The following MIGA1 variants were observed in gnomAD, a reference collection of about 807,000 sequenced individuals.
The protein encoded by MIGA1 is mitoguardin 1.
Under a neutral mutation model 82.0 loss-of-function variants are expected in MIGA1, and 58 were observed. That is an observed-to-expected ratio of 0.71 (90% CI 0.57 to 0.88). The LOEUF (loss-of-function observed/expected upper bound fraction) is 0.88. Among genes scored for constraint, MIGA1 ranks in the 40% least tolerant of loss-of-function variants. The pLI is 0.00. For missense variants in MIGA1, 751 were observed against 749.1 expected, an observed-to-expected ratio of 1.00 and a Z score of -0.03; for synonymous variants, 249 against 253.6, an observed-to-expected ratio of 0.98 and a Z score of 0.17.
intron 8 of MIGA1, among the ~76,000 whole-genome samples, chr1:77,851,709 TAGG>T (rs934091930): frequency 5.5e-4 from 84 of 152,306 alleles, no homozygotes; most frequent in African/African-American, 1.9e-3. Context: ...AGTCTTATTT[TAGG>T]AGGCTTCTTT....
intron 14 of MIGA1, among the ~76,000 whole-genome samples, chr1:77,867,539 G>C (rs1685718477): frequency 1.3e-5 from 2 of 152,104 alleles, no homozygotes; most frequent in Admixed American, 1.3e-4. Flanking sequence ...TGTTGCCCAG[G>C]CTGGCCTCAA....
intron 7 of MIGA1, among the ~76,000 whole-genome samples, chr1:77,840,010 G>A (rs1009415542): frequency 6.6e-6 from 1 of 152,204 alleles, no homozygotes; most frequent in Non-Finnish European, 1.5e-5. Flanking sequence ...TGGAATTACA[G>A]GCGTGAACCA....
rs1291533288 is a variant in MIGA1 at position 77,815,647 on chromosome 1, TAGTC to T, written c.895+420_895+423del. Among the ~76,000 whole-genome samples the T allele has an allele frequency of 3.3e-5, 5 of 152,236 alleles. No individual in the cohort carries two copies. The South Asian group carries it at 6.2e-4, about 19-fold the overall frequency. The stretch of plus-strand genomic sequence containing the variant: ...ATCGCAGGATAGCTGTTGATGTAAA[TAGTC>T]AGTACATACATCGTTATGGGTCATT... On this transcript the variant is annotated intron_variant, in intron 7 of 15. Coordinates refer to ENST00000370791, the MANE Select transcript of MIGA1 (RefSeq NM_198549.4).
intron 7 of MIGA1, among the ~76,000 whole-genome samples, chr1:77,836,696 C>G (rs1417969226): frequency 1.3e-5 from 2 of 152,160 alleles, no homozygotes; most frequent in East Asian, 3.8e-4. Context: ...GGATCAGGAT[C>G]CAGGTGCTGG....
At chr1:77,784,840 T>C (rs574816661) in intron 2 of MIGA1, among the ~76,000 whole-genome samples, 2 of 152,126 alleles carry the variant, frequency 1.3e-5, no homozygotes, top group Non-Finnish European at 2.9e-5. Flanking sequence ...TCACATCTCA[T>C]ATGGCGGCAG....
chr1:77,791,559 GTT>G (rs71075763), intron 2 of MIGA1, among the ~76,000 whole-genome samples: 49,124 of 124,720 alleles, frequency 0.39, 10,157 homozygotes, highest in African/African-American at 0.58. Flanking sequence ...AGATATTTAA[GTT>G]TTTTTTTTTT....
chr1:77,817,172 C>A (rs749659153), intron 7 of MIGA1, among the ~76,000 whole-genome samples: 3 of 151,912 alleles, frequency 2.0e-5, no homozygotes, highest in Non-Finnish European at 4.4e-5. Flanking sequence ...TGACTGGGTC[C>A]GTCTCTTATT....
At chr1:77,844,066 A>G (rs1684724657) in intron 8 of MIGA1, among the ~76,000 whole-genome samples, 1 of 146,600 alleles carries the variant, frequency 6.8e-6, no homozygotes, top group Non-Finnish European at 1.5e-5. Context: ...GTGGCACTGC[A>G]TTCCAGCCTG....
intron 7 of MIGA1, among the ~76,000 whole-genome samples, chr1:77,837,415 T>C (rs1684473795): frequency 6.6e-6 from 1 of 152,174 alleles, no homozygotes; most frequent in Non-Finnish European, 1.5e-5. Context: ...TGGTATCAGA[T>C]GACCTGAGTT....
intron 14 of MIGA1, among the ~76,000 whole-genome samples, chr1:77,871,095 G>GGGAGAC (rs1685968270): frequency 7.0e-5 from 1 of 14,254 alleles, no homozygotes; most frequent in African/African-American, 2.3e-4. Context: ...CGTGGGAAGG[G>GGGAGAC]GGAGAGGGAG....
chr1:77,799,263 T>C (rs1682779291), intron 2 of MIGA1, among the ~76,000 whole-genome samples: 1 of 152,194 alleles, frequency 6.6e-6, no homozygotes, highest in Non-Finnish European at 1.5e-5. Flanking sequence ...TTTGACATAA[T>C]GTACGGTATT....
rs1646907298 is a variant in MIGA1, at chr1:77,878,053, T to A, written c.*2989T>A. On this transcript the variant is annotated 3_prime_UTR_variant, in exon 16 of 16. Transcript: ENST00000370791. ...AAACTTGAACTTTTTAAAGGAAATG[T>A]CCTCTTGAAAAGAACATTTCTGACT... 1 of 152,158 alleles carries A rather than the reference T, an allele frequency of 6.6e-6. No homozygotes were observed. Among genetic ancestry groups the A allele is most frequent in the South Asian group, 2.1e-4 (1 of 4,826 alleles). The allele number at this position is 152,158 out of a possible 1,614,324, so 9.4% of individuals were successfully genotyped here.
chr1:77,785,097 C>T (rs1157375474), intron 2 of MIGA1, among the ~76,000 whole-genome samples: 1 of 152,124 alleles, frequency 6.6e-6, no homozygotes, highest in Non-Finnish European at 1.5e-5. Context: ...CATGCCTTCC[C>T]AACAGTCCCT....
intron 14 of MIGA1, among the ~76,000 whole-genome samples, chr1:77,871,122 A>AGGGG (rs1685973193): frequency 4.3e-5 from 1 of 23,372 alleles, no homozygotes; most frequent in Non-Finnish European, 8.2e-5. Flanking sequence ...AGGGAGAGGG[A>AGGGG]GAGGAGGGAG....
At position 77,848,443 on chromosome 1, in the gene MIGA1, A is replaced by G. The variant is rs1215101261; in HGVS notation, c.996+5036A>G. ...AATAATGATAAATACAGAGATAGAG[A>G]AAAACAAGAAGTAAGTGTTTGATCT... On this transcript the variant is annotated intron_variant, in intron 8 of 15. Coordinates refer to ENST00000370791, the MANE Select transcript of MIGA1 (RefSeq NM_198549.4). 7.4e-6 allele frequency: 7 copies of G among 941,482 alleles called. No homozygotes were observed. The East Asian group carries it at 1.7e-4, about 23-fold the overall frequency. The allele number at this position is 941,482 out of a possible 1,614,324, so 58.3% of individuals were successfully genotyped here.
intron 13 of MIGA1, 60 bp from the exon 14 acceptor site, chr1:77,866,278 T>C: frequency 3.3e-6 from 5 of 1,509,526 alleles, no homozygotes; most frequent in Non-Finnish European, 4.6e-6. Flanking sequence ...GAATTTCTAA[T>C]AAAAATGGAA....
At chr1:77,792,781 G>A (rs950362629) in intron 2 of MIGA1, among the ~76,000 whole-genome samples, 1 of 131,126 alleles carries the variant, frequency 7.6e-6, no homozygotes, top group Non-Finnish European at 1.6e-5. Context: ...AAATTGGATT[G>A]TTTGCTTTTT....
intron 2 of MIGA1, among the ~76,000 whole-genome samples, chr1:77,799,902 T>C (rs1482598940): frequency 6.6e-6 from 1 of 152,126 alleles, no homozygotes; most frequent in Non-Finnish European, 1.5e-5. Flanking sequence ...GCTTTAATCT[T>C]TATAATGCTT....
Position 77,831,297 on chromosome 1 carries a change from G to A in MIGA1, c.896-12010G>A, listed in dbSNP as rs1015162640. Reference sequence around the variant, plus strand: ...ATGTACAGTGTATTTCTGCATGATAGTGTTACTTTCCTTAATAAACAAGTA... The same window carrying A: ...ATGTACAGTGTATTTCTGCATGATAATGTTACTTTCCTTAATAAACAAGTA... On this transcript the variant is annotated intron_variant, in intron 7 of 15. Transcript: ENST00000370791. Among the ~76,000 whole-genome samples, 3 of 152,174 alleles carry A rather than the reference G, an allele frequency of 2.0e-5. No homozygotes were observed. The East Asian group carries it at 5.8e-4, about 29-fold the overall frequency.
Sources: gnomAD v4.1 joint callset for allele counts (sites outside exome capture counted in the v4.1 genomes callset) on GRCh38, gnomAD v4.1.1 for gene constraint, MANE v1.5 for transcripts, NCBI Gene and HGNC (gene_info 2026-07-23, HGNC 2026-07-21) for gene names.